KIF11: variants seen among roughly 807,000 people sequenced by gnomAD.
KIF11 encodes kinesin family member 11, also known as kinesin-like protein KIF11.
A neutral mutation model predicts 121.0 loss-of-function variants in KIF11; 9 were observed. The observed-to-expected ratio is 0.07, with a 90% CI of 0.04 to 0.13. The LOEUF (loss-of-function observed/expected upper bound fraction) is 0.13. KIF11 is among the 10% of genes least tolerant of loss of function. KIF11 has a pLI of 1.00. For missense variants in KIF11, 846 were observed against 1,217.5 expected (o/e 0.69, Z 4.54); for synonymous variants, 408 against 421.0 (o/e 0.97, Z 0.38).
intron 18 of KIF11, among the ~76,000 whole-genome samples, chr10:92,646,076 C>T (rs1044613529): frequency 1.3e-5 from 2 of 151,448 alleles, no homozygotes; most frequent in Admixed American, 6.6e-5. Context: ...CTCAGCCTCT[C>T]GAGTAGTTGG....
chr10:92,609,665 A>G (rs1253220694), intron 6 of KIF11, among the ~76,000 whole-genome samples, 156 bp downstream of exon 6: 1 of 152,126 alleles, frequency 6.6e-6, no homozygotes, highest in East Asian at 1.9e-4. Context: ...TGAGATTTAT[A>G]TGGAAGGAAC....
At chr10:92,619,931 C>T (rs1844599557) in intron 9 of KIF11, among the ~76,000 whole-genome samples, 1 of 151,748 alleles carries the variant, frequency 6.6e-6, no homozygotes, top group South Asian at 2.1e-4. Context: ...ACGTGTTCCT[C>T]TGTTCTTTGT....
At chr10:92,611,946 A>G (rs1185606120) in intron 6 of KIF11, among the ~76,000 whole-genome samples, 1 of 152,192 alleles carries the variant, frequency 6.6e-6, no homozygotes. Context: ...ATGAAAGTAC[A>G]AAGAAGAAAA....
intron 17 of KIF11, among the ~76,000 whole-genome samples, chr10:92,644,746 A>G (rs1297508458): frequency 6.6e-6 from 1 of 152,190 alleles, no homozygotes; most frequent in Non-Finnish European, 1.5e-5. Flanking sequence ...CAAGGTTTAA[A>G]TCTTGTAAGA....
intron 19 of KIF11, 99 bp from the exon 20 acceptor site, chr10:92,649,736 A>G: frequency 2.6e-6 from 2 of 775,448 alleles, no homozygotes; most frequent in South Asian, 4.7e-5. Context: ...ATATTTTTAT[A>G]TTTTTAGAAG....
At chr10:92,645,732 G>C in intron 18 of KIF11, 90 bp downstream of exon 18, 1 of 1,014,624 alleles carries the variant, frequency 9.9e-7, no homozygotes, top group East Asian at 2.5e-5. Flanking sequence ...CAAAACAAAT[G>C]ATATTTTAAG....
intron 17 of KIF11, among the ~76,000 whole-genome samples, chr10:92,643,051 A>G (rs1034207088): frequency 1.3e-5 from 2 of 152,160 alleles, no homozygotes; most frequent in Admixed American, 6.5e-5. Context: ...AGCTGGGGCT[A>G]CAGGCACACA....
intron 14 of KIF11, among the ~76,000 whole-genome samples, chr10:92,636,803 G>C (rs11813238): frequency 0.15 from 22,604 of 150,910 alleles, 3,569 homozygotes; most frequent in African/African-American, 0.4. Flanking sequence ...GAGGCCACGG[G>C]GGGCGGATCA....
intron 9 of KIF11, among the ~76,000 whole-genome samples, chr10:92,618,017 C>T (rs11187101): frequency 2.0e-5 from 3 of 152,164 alleles, no homozygotes; most frequent in Admixed American, 6.5e-5. Context: ...GGATCACAGG[C>T]GTGAGCCAAT....
chr10:92,643,549 T>C (rs1024225640), intron 17 of KIF11, among the ~76,000 whole-genome samples: 5 of 149,682 alleles, frequency 3.3e-5, no homozygotes, highest in African/African-American at 1.3e-4. Context: ...TTAATGTATC[T>C]ACTAGATTTT....
chr10:92,638,182 CTTA>C (rs1452179301), intron 16 of KIF11, among the ~76,000 whole-genome samples: 1 of 152,110 alleles, frequency 6.6e-6, no homozygotes, highest in African/African-American at 2.4e-5. Context: ...ATTAAATGAG[CTTA>C]TTATAATATG....
chr10:92,627,983 T>C (rs1844697937), intron 10 of KIF11, among the ~76,000 whole-genome samples: 1 of 152,208 alleles, frequency 6.6e-6, no homozygotes, highest in Non-Finnish European at 1.5e-5. Flanking sequence ...CCATGATGTC[T>C]AGTGAAAGTG....
rs1844463059 is a variant in KIF11 at position 92,609,097 on chromosome 10, A to G, written c.465A>G (p.Ser155=). 6.2e-7 allele frequency: 1 copy of G among 1,606,544 alleles called. No homozygotes were observed. Among genetic ancestry groups the G allele is most frequent in the Non-Finnish European group, 8.5e-7 (1 of 1,175,784 alleles). The change falls in exon 5 of 22, where the codon TCA becomes TCG. Residue 155 remains serine, a synonymous_variant. Coordinates refer to ENST00000260731, the MANE Select transcript of KIF11 (RefSeq NM_004523.4). ...EKLTDNGTEF[S]VKVSLLEIYN... is the part of the protein sequence containing the mutation. The stretch of plus-strand genomic sequence containing the variant: ...TTACTGATAATGGTACTGAATTTTC[A>G]GTCAAAGTGTCTCTGTTGGAGATCT...
In KIF11 at chr10:92,613,297, A is replaced by G; in HGVS notation, c.790-80A>G. 1 of 1,123,662 alleles carries G rather than the reference A, an allele frequency of 8.9e-7. No individual in the cohort carries two copies. The highest frequency in any genetic ancestry group is 2.6e-5 in the East Asian group (1 of 38,822). 69.6% of individuals were successfully genotyped at this position (1,123,662 alleles called of 1,614,324 possible). On this transcript the variant is annotated intron_variant, in intron 7 of 21. Transcript: ENST00000260731. This position sits in a 1 kb window ranked among gnomAD's most constrained non-coding sequence, Gnocchi z 4.2. ...AATTATTTTGCTGGCGATTTAATACATTATGTATCCTGTGAGAATGAAAGT... is the reference window on the plus strand; with the variant it reads ...AATTATTTTGCTGGCGATTTAATACGTTATGTATCCTGTGAGAATGAAAGT...
At chr10:92,638,981 A>C (rs746330119) in intron 16 of KIF11, among the ~76,000 whole-genome samples, 1 of 152,230 alleles carries the variant, frequency 6.6e-6, no homozygotes, top group Non-Finnish European at 1.5e-5. Flanking sequence ...TATGCCTATA[A>C]GAGCTTGTTT....
chr10:92,637,009 G>A (rs1844808969), intron 14 of KIF11, among the ~76,000 whole-genome samples, 175 bp from the exon 15 acceptor site: 1 of 146,744 alleles, frequency 6.8e-6, no homozygotes. Flanking sequence ...CTCCAACCTG[G>A]GTGACAGAAT....
intron 10 of KIF11, among the ~76,000 whole-genome samples, chr10:92,623,010 C>G (rs1195119216): frequency 1.3e-5 from 2 of 152,210 alleles, no homozygotes; most frequent in African/African-American, 4.8e-5. Context: ...TCGGTTATCT[C>G]CCATCAGGTC....
chr10:92,603,034 A>G (rs1226892979), intron 1 of KIF11, among the ~76,000 whole-genome samples: 1 of 151,314 alleles, frequency 6.6e-6, no homozygotes, highest in African/African-American at 2.4e-5. Context: ...TCACACACAC[A>G]TTTAAAAAAT....
chr10:92,645,351 C>A lies in KIF11; in HGVS notation c.2268-12C>A. ...TTCCCCATTTCAACAGTGTCATTCT[C>A]TTTTCCTATAGGAAATCTAAGGATA... is the stretch of plus-strand genomic sequence containing the variant. On this transcript the variant is annotated splice_polypyrimidine_tract_variant and intron_variant, in intron 17 of 21. Coordinates refer to ENST00000260731, the MANE Select transcript of KIF11 (RefSeq NM_004523.4). 1 of 1,584,538 alleles carries A rather than the reference C, an allele frequency of 6.3e-7. No individual in the cohort carries two copies. Among genetic ancestry groups the A allele is most frequent in the Non-Finnish European group, 8.6e-7 (1 of 1,161,192 alleles).
Sources: allele counts gnomAD v4.1 joint callset (sites outside exome capture counted in the v4.1 genomes callset), GRCh38; gene constraint gnomAD v4.1.1; non-coding constraint Gnocchi (gnomAD v3.1); transcripts MANE v1.5; gene names NCBI Gene and HGNC (gene_info 2026-07-23, HGNC 2026-07-21).